Variants in TRHDE observed in about 807,000 individuals in gnomAD.
TRHDE encodes the protein thyrotropin releasing hormone degrading enzyme, also known as thyrotropin-releasing hormone-degrading ectoenzyme.
A neutral mutation model predicts 125.7 loss-of-function variants in TRHDE; 72 were observed. The ratio of observed to expected loss-of-function variants is 0.57; its 90% CI spans 0.47 to 0.70. The LOEUF (loss-of-function observed/expected upper bound fraction) is 0.70, where lower values mean the gene tolerates loss of function less well. Among genes scored for constraint, TRHDE ranks in the 30% least tolerant of loss-of-function variants. TRHDE has a pLI of 0.00. For missense variants in TRHDE, 1,110 were observed against 1,327.1 expected (o/e 0.84, Z 2.54); for synonymous variants, 509 against 509.1 (o/e 1.00, Z 0.00).
intron 2 of TRHDE, among the ~76,000 whole-genome samples, chr12:72,341,742 G>A (rs1243871325): frequency 1.3e-5 from 2 of 152,136 alleles, no homozygotes; most frequent in African/African-American, 4.8e-5. Flanking sequence ...TCAAAGGGCA[G>A]TATTTGAAAG....
intron 2 of TRHDE, among the ~76,000 whole-genome samples, chr12:72,245,243 A>ATGTG (rs370752757): frequency 0.01 from 1,494 of 147,296 alleles, 25 homozygotes; most frequent in African/African-American, 0.033. Flanking sequence ...GTTTGTGTGT[A>ATGTG]TGTGTGTGTG....
At chr12:72,231,483 T>A (rs775458683) in intron 2 of TRHDE, among the ~76,000 whole-genome samples, 2 of 152,210 alleles carry the variant, frequency 1.3e-5, no homozygotes, top group Non-Finnish European at 2.9e-5. Context: ...TAAATTCCCA[T>A]CAGACTTTGG....
At chr12:72,367,372 T>C (rs1470190753) in intron 2 of TRHDE, among the ~76,000 whole-genome samples, 2 of 152,092 alleles carry the variant, frequency 1.3e-5, no homozygotes, top group African/African-American at 4.8e-5. Context: ...AGTCTTCATA[T>C]GAGACGTCAA....
intron 2 of TRHDE, among the ~76,000 whole-genome samples, chr12:72,130,860 T>C (rs1875843529): frequency 6.6e-6 from 1 of 152,098 alleles, no homozygotes; most frequent in Non-Finnish European, 1.5e-5. Context: ...CTAGATATTA[T>C]CAACTGCTAG....
At chr12:72,152,926 G>C (rs888750681) in intron 2 of TRHDE, among the ~76,000 whole-genome samples, 29 of 152,174 alleles carry the variant, frequency 1.9e-4, no homozygotes, top group Non-Finnish European at 3.5e-4. Context: ...GAGTTAGGGA[G>C]GATTCCCTCT....
chr12:72,638,488 C>T (rs1202747129), intron 15 of TRHDE, among the ~76,000 whole-genome samples: 1 of 150,590 alleles, frequency 6.6e-6, no homozygotes, highest in East Asian at 2.0e-4. Context: ...TTAATTGGAG[C>T]ATTTAGTCCA....
intron 2 of TRHDE, among the ~76,000 whole-genome samples, chr12:72,347,048 G>A (rs1030737079): frequency 6.6e-6 from 1 of 152,080 alleles, no homozygotes; most frequent in East Asian, 1.9e-4. Context: ...GGATGCCAGT[G>A]ATACTGGATT....
intron 2 of TRHDE, among the ~76,000 whole-genome samples, chr12:72,311,514 A>G (rs187175188): frequency 6.6e-6 from 1 of 152,334 alleles, no homozygotes; most frequent in African/African-American, 2.4e-5. Flanking sequence ...AAAATCCAGC[A>G]AAAGGAAGAG....
chr12:72,089,004 T>C (rs1874730912), intron 1 of TRHDE, among the ~76,000 whole-genome samples: 2 of 152,150 alleles, frequency 1.3e-5, no homozygotes, highest in Non-Finnish European at 2.9e-5. Context: ...CAAATCAATA[T>C]GTGCAAAAAT....
intron 2 of TRHDE, among the ~76,000 whole-genome samples, chr12:72,338,287 T>A (rs12321111): frequency 0.34 from 51,944 of 152,102 alleles, 8,828 homozygotes; most frequent in African/African-American, 0.38. Flanking sequence ...ATGATTGTTT[T>A]TCTGCTTGGC....
At chr12:72,136,078 A>G (rs918849763) in intron 2 of TRHDE, among the ~76,000 whole-genome samples, 1 of 152,126 alleles carries the variant, frequency 6.6e-6, no homozygotes, top group Non-Finnish European at 1.5e-5. Flanking sequence ...GGTTTCAATT[A>G]ATTTAGATAT....
At chr12:72,153,872 G>C (rs1467997863) in intron 2 of TRHDE, among the ~76,000 whole-genome samples, 1 of 152,204 alleles carries the variant, frequency 6.6e-6, no homozygotes, top group Non-Finnish European at 1.5e-5. Context: ...TGTATATTCT[G>C]TTGATTTGGG....
At chr12:72,218,700 A>G (rs1467217662) in intron 2 of TRHDE, among the ~76,000 whole-genome samples, 2 of 152,070 alleles carry the variant, frequency 1.3e-5, no homozygotes, top group African/African-American at 2.4e-5. Context: ...TACTGCATAC[A>G]CATAACTCTA....
At chr12:72,329,035 GTTC>G (rs1253533263) in intron 2 of TRHDE, among the ~76,000 whole-genome samples, 3 of 152,078 alleles carry the variant, frequency 2.0e-5, no homozygotes, top group African/African-American at 7.2e-5. Context: ...GTTTTGTAAA[GTTC>G]TTCTTTATTC....
Position 72,311,560 on chromosome 12 carries a change from A to T in TRHDE, c.1188+24606A>T, listed in dbSNP as rs192286386. On this transcript the variant is annotated intron_variant, in intron 2 of 18. Coordinates refer to ENST00000261180, the MANE Select transcript of TRHDE (RefSeq NM_013381.3). ...ACTTGCCATTCAGTAAATATTGCTG[A>T]CTATTCATGAAACAAATGATACTTT... is the stretch of plus-strand genomic sequence containing the variant. 9.8e-5 allele frequency among the ~76,000 whole-genome samples: 15 copies of T among 152,314 alleles called. No homozygotes were observed. In the East Asian group the frequency reaches 1.5e-3, roughly 16 times the overall value.
chr12:72,475,351 T>A (rs956936751), intron 5 of TRHDE, among the ~76,000 whole-genome samples: 1 of 152,166 alleles, frequency 6.6e-6, no homozygotes, highest in African/African-American at 2.4e-5. Context: ...AAGTGATGTG[T>A]TATGCATAGG....
chr12:72,436,569 AG>A (rs1874754835), intron 3 of TRHDE, among the ~76,000 whole-genome samples: 2 of 151,922 alleles, frequency 1.3e-5, no homozygotes, highest in Non-Finnish European at 2.9e-5. Flanking sequence ...TGAACTTCAC[AG>A]GGTTCTTATA....
At chr12:72,168,492 G>T (rs989763569) in intron 2 of TRHDE, among the ~76,000 whole-genome samples, 4 of 152,194 alleles carry the variant, frequency 2.6e-5, no homozygotes, top group African/African-American at 9.7e-5. Flanking sequence ...CCCTGATTCA[G>T]TAGGTTCTTG....
chr12:72,276,859 G>T (rs1050709235), intron 1 of TRHDE, among the ~76,000 whole-genome samples: 4 of 152,182 alleles, frequency 2.6e-5, no homozygotes, highest in Admixed American at 2.6e-4. Flanking sequence ...AGATAAAAAT[G>T]GGTGTGTATT....
Sources: gnomAD v4.1 joint callset for allele counts (sites outside exome capture counted in the v4.1 genomes callset) on GRCh38, gnomAD v4.1.1 for gene constraint, MANE v1.5 for transcripts, NCBI Gene and HGNC (gene_info 2026-07-23, HGNC 2026-07-21) for gene names.